ADAMTS19: variants seen among roughly 807,000 people sequenced by gnomAD.
ADAMTS19 encodes ADAM metallopeptidase with thrombospondin type 1 motif 19.
Under a neutral mutation model 153.3 loss-of-function variants are expected in ADAMTS19, and 93 were observed. The ratio of observed to expected loss-of-function variants is 0.61; its 90% confidence interval spans 0.51 to 0.72. ADAMTS19 has a LOEUF of 0.72. Among genes scored for constraint, ADAMTS19 ranks in the 30% least tolerant of loss-of-function variants. The pLI, the probability that ADAMTS19 is intolerant of heterozygous loss-of-function variation, is 0.00. For missense variants in ADAMTS19, 1,482 were observed against 1,552.1 expected, an observed-to-expected ratio of 0.95 and a Z score of 0.76; for synonymous variants, 600 against 556.6, an observed-to-expected ratio of 1.08 and a Z score of -1.10.
Position 129,460,358 on chromosome 5 carries a change from G to C in ADAMTS19, c.-34G>C, listed in dbSNP as rs1390914294. ...GGAGTGGATCGCGCTGGAGGCGTGC[G>C]CCGGGCGAGAAGCCGCGGCCGCGGG... is the stretch of plus-strand genomic sequence containing the variant. On this transcript the variant is annotated 5_prime_UTR_variant, in exon 1 of 23. Coordinates refer to ENST00000274487, the MANE Select transcript of ADAMTS19 (RefSeq NM_133638.6). 1.3e-6 allele frequency: 2 copies of C among 1,593,942 alleles called. No individual in the cohort carries two copies. The highest frequency in any genetic ancestry group is 1.7e-6 in the Non-Finnish European group (2 of 1,166,146).
intron 6 of ADAMTS19, among the ~76,000 whole-genome samples, chr5:129,535,192 A>G (rs1752369238): frequency 6.6e-6 from 1 of 152,220 alleles, no homozygotes. Flanking sequence ...AATCTCCTTA[A>G]GCTGATAAGC....
At chr5:129,482,156 T>A (rs1364079823) in intron 2 of ADAMTS19, among the ~76,000 whole-genome samples, 1 of 152,210 alleles carries the variant, frequency 6.6e-6, no homozygotes, top group Admixed American at 6.6e-5. Flanking sequence ...TTGGAAGACC[T>A]CAGCCTTCTA....
intron 7 of ADAMTS19, among the ~76,000 whole-genome samples, chr5:129,563,979 G>A (rs773341084): frequency 2.7e-4 from 41 of 152,098 alleles, no homozygotes; most frequent in Middle Eastern, 3.4e-3. Context: ...GAGTGCAGTG[G>A]CGCAATCTCG....
chr5:129,603,332 G>A (rs970356068), intron 8 of ADAMTS19, among the ~76,000 whole-genome samples: 1 of 152,094 alleles, frequency 6.6e-6, no homozygotes, highest in Admixed American at 6.5e-5. Flanking sequence ...TGTCCTTTTT[G>A]TGAAGCATGT....
At chr5:129,466,887 A>T (rs1274991654) in intron 2 of ADAMTS19, among the ~76,000 whole-genome samples, 2 of 152,238 alleles carry the variant, frequency 1.3e-5, no homozygotes, top group African/African-American at 4.8e-5. Context: ...ACAGGTTTCC[A>T]TATTTGGAAT....
In ADAMTS19 at chr5:129,658,351, A is replaced by AAGAAAGAGAGAGAGAGAGAGAGAGAG. The variant is rs1554103338; in HGVS notation, c.2305-259_2305-258insGAGAGAGAGAGAGAGAGAGAGAAAGA. ...AAAGAAAGAAAGAAAGAAAGAAAGAAAGAAAGAAAGAAAGAAAGAGAGAGA... is the reference window on the plus strand; with the variant it reads ...AAAGAAAGAAAGAAAGAAAGAAAGAAAGAAAGAGAGAGAGAGAGAGAGAGAGAGAAAGAAAGAAAGAAAGAGAGAGA... On this transcript the variant is annotated intron_variant, in intron 14 of 22. Transcript: ENST00000274487. 9.4e-4 allele frequency among the ~76,000 whole-genome samples: 125 copies of AAGAAAGAGAGAGAGAGAGAGAGAGAG among 132,992 alleles called. 1 individual carries two copies. Among genetic ancestry groups the AAGAAAGAGAGAGAGAGAGAGAGAGAG allele is most frequent in the South Asian group, 7.3e-3 (30 of 4,096 alleles). 87.2% of individuals were successfully genotyped at this position (132,992 alleles called of 152,430 possible).
chr5:129,517,332 C>A (rs896799627), intron 3 of ADAMTS19, among the ~76,000 whole-genome samples: 1 of 151,828 alleles, frequency 6.6e-6, no homozygotes, highest in African/African-American at 2.4e-5. Flanking sequence ...TCTGATATTT[C>A]TTGGTTGATT....
intron 10 of ADAMTS19, among the ~76,000 whole-genome samples, chr5:129,631,430 A>T (rs562749491): frequency 1.3e-5 from 2 of 151,924 alleles, no homozygotes; most frequent in Admixed American, 1.3e-4. Flanking sequence ...ATAATTGCTA[A>T]AGTGGGGAAT....
intron 16 of ADAMTS19, among the ~76,000 whole-genome samples, chr5:129,676,358 GTTTAAC>G (rs925643166): frequency 6.6e-6 from 1 of 152,088 alleles, no homozygotes. Context: ...TCTAGGATTA[GTTTAAC>G]TTTATTTCTT....
At chr5:129,612,178 G>A (rs541987697) in intron 8 of ADAMTS19, among the ~76,000 whole-genome samples, 228 of 135,634 alleles carry the variant, frequency 1.7e-3, no homozygotes, top group Middle Eastern at 4.4e-3. Context: ...CTGTGTCCAT[G>A]TGTTCTCATT....
At chr5:129,531,647 A>G (rs1047248431) in intron 6 of ADAMTS19, among the ~76,000 whole-genome samples, 1 of 152,130 alleles carries the variant, frequency 6.6e-6, no homozygotes, top group Non-Finnish European at 1.5e-5. Flanking sequence ...AAACAAACAA[A>G]AAAACCCCAA....
intron 6 of ADAMTS19, among the ~76,000 whole-genome samples, chr5:129,538,627 G>A (rs1421192289): frequency 2.0e-5 from 3 of 151,972 alleles, no homozygotes; most frequent in African/African-American, 7.2e-5. Flanking sequence ...TATACAAAGA[G>A]CATAAAGAAT....
intron 21 of ADAMTS19, 48 bp downstream of exon 21, chr5:129,704,439 G>T: frequency 6.3e-7 from 1 of 1,585,322 alleles, no homozygotes; most frequent in South Asian, 1.2e-5. Flanking sequence ...AATAATGTCA[G>T]CATTGCCCTG....
At chr5:129,597,912 A>AC (rs952388295) in intron 8 of ADAMTS19, among the ~76,000 whole-genome samples, 1 of 151,200 alleles carries the variant, frequency 6.6e-6, no homozygotes, top group African/African-American at 2.4e-5. Context: ...AAAAAAAAAA[A>AC]AGAAAAAAAG....
chr5:129,717,513 T>G lies in ADAMTS19; in HGVS notation c.3312+13122T>G, dbSNP rs561950831. On this transcript the variant is annotated intron_variant, in intron 21 of 22. Transcript: ENST00000274487. Reference sequence around the variant, plus strand: ...TTCCTATATCGTAACTCAAACTATTTGAAAATATGTTTTTAAGTAAATTCA... The same window carrying G: ...TTCCTATATCGTAACTCAAACTATTGGAAAATATGTTTTTAAGTAAATTCA... 1.4e-4 allele frequency among the ~76,000 whole-genome samples: 21 copies of G among 152,318 alleles called. No individual in the cohort carries two copies. In the South Asian group the frequency reaches 4.3e-3, roughly 32 times the overall value.
intron 7 of ADAMTS19, among the ~76,000 whole-genome samples, chr5:129,565,754 A>G (rs1186638670): frequency 6.6e-6 from 1 of 152,176 alleles, no homozygotes; most frequent in Non-Finnish European, 1.5e-5. Flanking sequence ...ATGTATTGAT[A>G]CATATCTCTT....
At chr5:129,730,285 A>G (rs1356869676) in intron 21 of ADAMTS19, among the ~76,000 whole-genome samples, 1 of 152,120 alleles carries the variant, frequency 6.6e-6, no homozygotes, top group Non-Finnish European at 1.5e-5. Flanking sequence ...TAAGAGAAAA[A>G]GTCAGGTTTA....
At chr5:129,584,349 T>C (rs1373884211) in intron 7 of ADAMTS19, among the ~76,000 whole-genome samples, 1 of 152,104 alleles carries the variant, frequency 6.6e-6, no homozygotes, top group Non-Finnish European at 1.5e-5. Flanking sequence ...CTGGGAGGTG[T>C]CTCCCATTCA....
rs527744251 is a variant in ADAMTS19 at position 129,610,520 on chromosome 5, A to G, written c.1479-10098A>G. ...TGTTCTCATTGTTCAATTCCCACCT[A>G]TGAGTGAGAACATATGGTGTTTGGT... On this transcript the variant is annotated intron_variant, in intron 8 of 22. Transcript: ENST00000274487. Among the ~76,000 whole-genome samples the G allele has an allele frequency of 2.9e-4, 44 of 152,090 alleles. No individual in the cohort carries two copies. In the South Asian group the frequency reaches 4.6e-3, roughly 16 times the overall value.
Sources: allele counts gnomAD v4.1 joint callset (sites outside exome capture counted in the v4.1 genomes callset), GRCh38; gene constraint gnomAD v4.1.1; transcripts MANE v1.5; gene names NCBI Gene and HGNC (gene_info 2026-07-23, HGNC 2026-07-21).